The following GNA14 variants were observed in gnomAD, a reference collection of about 807,000 sequenced individuals.
The protein encoded by GNA14 is G protein subunit alpha 14.
Under a neutral mutation model 42.0 loss-of-function variants are expected in GNA14, and 50 were observed. That is an observed-to-expected ratio of 1.19 (90% CI 0.95 to 1.51). The LOEUF (loss-of-function observed/expected upper bound fraction) is 1.51. Ranked by LOEUF, GNA14 falls within the 40% of genes most tolerant of loss-of-function variation. The probability of loss-of-function intolerance (pLI) is 0.00; values close to 1 mark genes in which losing one functional copy is unlikely to be tolerated. For synonymous variants in GNA14, 173 were observed against 163.1 expected, an observed-to-expected ratio of 1.06 and a Z score of -0.46; for missense variants, 473 against 446.2, an observed-to-expected ratio of 1.06 and a Z score of -0.54.
In GNA14 at chr9:77,552,899, A is replaced by C. The variant is rs565311021; in HGVS notation, c.125-23646T>G. Reference sequence around the variant, plus strand: ...TAAGCAGCAGAAACTGTGCCAACCAACAGAACACTGTACTGCAGGCTGCCA... The same window carrying C: ...TAAGCAGCAGAAACTGTGCCAACCACCAGAACACTGTACTGCAGGCTGCCA... On this transcript the variant is annotated intron_variant, in intron 1 of 6. Coordinates refer to ENST00000341700, the MANE Select transcript of GNA14 (RefSeq NM_004297.4). Among the ~76,000 whole-genome samples, 5 of 152,338 alleles carry C rather than the reference A, an allele frequency of 3.3e-5. No individual in the cohort carries two copies. The South Asian group carries it at 1.0e-3, about 32-fold the overall frequency.
intron 1 of GNA14, among the ~76,000 whole-genome samples, chr9:77,543,780 C>A (rs1429796481): frequency 6.6e-6 from 1 of 152,144 alleles, no homozygotes; most frequent in Non-Finnish European, 1.5e-5. Context: ...TGCCAGTGTT[C>A]TCTCTTCCAC....
intron 2 of GNA14, among the ~76,000 whole-genome samples, chr9:77,463,633 T>C (rs1052885731): frequency 6.6e-6 from 1 of 152,246 alleles, no homozygotes; most frequent in Admixed American, 6.5e-5. Flanking sequence ...AGAACACATG[T>C]AGTTTCTCAA....
intron 1 of GNA14, among the ~76,000 whole-genome samples, chr9:77,611,020 TAGGA>T (rs758831167): frequency 8.5e-5 from 13 of 152,216 alleles, no homozygotes; most frequent in Non-Finnish European, 1.6e-4. Context: ...GGTAGAAAGA[TAGGA>T]AGTAAGTAGG....
chr9:77,610,559 A>C (rs1465332452), intron 1 of GNA14, among the ~76,000 whole-genome samples: 1 of 152,156 alleles, frequency 6.6e-6, no homozygotes, highest in African/African-American at 2.4e-5. Context: ...CCCACTTCCA[A>C]ATATCATCAC....
chr9:77,494,698 G>GT (rs1355891904), intron 2 of GNA14, among the ~76,000 whole-genome samples: 1 of 152,202 alleles, frequency 6.6e-6, no homozygotes, highest in Non-Finnish European at 1.5e-5. Context: ...ATATTGAGCT[G>GT]TAAGTATTTA....
intron 5 of GNA14, among the ~76,000 whole-genome samples, chr9:77,426,285 C>CATGGTGAG (rs201205933): frequency 0.039 from 5,930 of 151,686 alleles, 316 homozygotes; most frequent in East Asian, 0.2. Context: ...TGATGGGTGA[C>CATGGTGAG]CATACTGTTG....
intron 1 of GNA14, among the ~76,000 whole-genome samples, chr9:77,551,278 A>G (rs1055495748): frequency 6.6e-6 from 1 of 151,944 alleles, no homozygotes; most frequent in African/African-American, 2.4e-5. Flanking sequence ...TCCTTTTTCA[A>G]ATTTTGAATC....
intron 2 of GNA14, among the ~76,000 whole-genome samples, chr9:77,454,775 G>A (rs949427066): frequency 1.3e-5 from 2 of 152,106 alleles, no homozygotes; most frequent in Non-Finnish European, 2.9e-5. Flanking sequence ...CACCAGTAGA[G>A]CAAAGGCCTT....
At chr9:77,644,364 G>A (rs921775865) in intron 1 of GNA14, among the ~76,000 whole-genome samples, 4 of 147,258 alleles carry the variant, frequency 2.7e-5, no homozygotes, top group African/African-American at 7.6e-5. Context: ...TGAGGTGGGA[G>A]GATGCTTGAG....
At chr9:77,492,896 G>A (rs1292921445) in intron 2 of GNA14, among the ~76,000 whole-genome samples, 1 of 150,804 alleles carries the variant, frequency 6.6e-6, no homozygotes, top group East Asian at 2.0e-4. Context: ...AGCTACTCGG[G>A]AGGCTGAGGC....
At chr9:77,499,499 T>G (rs1836929415) in intron 2 of GNA14, among the ~76,000 whole-genome samples, 1 of 152,180 alleles carries the variant, frequency 6.6e-6, no homozygotes, top group Non-Finnish European at 1.5e-5. Context: ...AATTTTGGCT[T>G]CTTTATCTAC....
intron 2 of GNA14, among the ~76,000 whole-genome samples, chr9:77,487,349 T>C (rs1383833406): frequency 6.6e-6 from 1 of 152,232 alleles, no homozygotes; most frequent in Non-Finnish European, 1.5e-5. Context: ...GGGGAATTGC[T>C]GTACAGAATT....
chr9:77,497,320 C>G (rs921253505), intron 2 of GNA14, among the ~76,000 whole-genome samples: 1 of 152,174 alleles, frequency 6.6e-6, no homozygotes, highest in African/African-American at 2.4e-5. Flanking sequence ...ACACTCCAGA[C>G]ATTGCATCTC....
chr9:77,622,782 T>C (rs932314856), intron 1 of GNA14, among the ~76,000 whole-genome samples: 3 of 144,982 alleles, frequency 2.1e-5, no homozygotes, highest in Non-Finnish European at 4.5e-5. Context: ...TAGTCCCAAA[T>C]GCTTGGGAGG....
chr9:77,497,033 T>C (rs1836882330), intron 2 of GNA14, among the ~76,000 whole-genome samples: 1 of 152,202 alleles, frequency 6.6e-6, no homozygotes, highest in South Asian at 2.1e-4. Context: ...AATCACTGTC[T>C]TGAGAAGGGC....
intron 2 of GNA14, among the ~76,000 whole-genome samples, chr9:77,494,451 G>A (rs1482511948): frequency 2.9e-5 from 4 of 138,720 alleles, no homozygotes; most frequent in Non-Finnish European, 4.8e-5. Context: ...AATGTATTGT[G>A]ATTGAAAAAA....
chr9:77,640,314 G>A (rs116329174), intron 1 of GNA14, among the ~76,000 whole-genome samples: 156 of 152,166 alleles, frequency 1.0e-3, no homozygotes, highest in African/African-American at 3.5e-3. Context: ...ACCATCTTTA[G>A]TATCATCATA....
chr9:77,501,178 C>T (rs761748071), intron 2 of GNA14, among the ~76,000 whole-genome samples: 2 of 152,194 alleles, frequency 1.3e-5, no homozygotes, highest in Non-Finnish European at 2.9e-5. Flanking sequence ...TGGTTTCAAA[C>T]TCCTGATCTC....
At chr9:77,522,639 C>A (rs575481807) in intron 2 of GNA14, among the ~76,000 whole-genome samples, 2 of 152,282 alleles carry the variant, frequency 1.3e-5, no homozygotes, top group African/African-American at 4.8e-5. Context: ...GGTTCTCGAC[C>A]CTGGCTGCCC....
Sources: gnomAD v4.1 joint callset for allele counts (sites outside exome capture counted in the v4.1 genomes callset) on GRCh38, gnomAD v4.1.1 for gene constraint, MANE v1.5 for transcripts, NCBI Gene and HGNC (gene_info 2026-07-23, HGNC 2026-07-21) for gene names.